Variants in FBXL2 observed in about 807,000 individuals in gnomAD.
FBXL2 encodes the protein F-box and leucine rich repeat protein 2, also known as F-box/LRR-repeat protein 2.
In FBXL2, 38 loss-of-function variants were observed where a neutral mutation model predicts 69.2. The ratio of observed to expected loss-of-function variants is 0.55; its 90% CI spans 0.42 to 0.72. The LOEUF (loss-of-function observed/expected upper bound fraction) is 0.72, where lower values mean the gene tolerates loss of function less well. Ranked by LOEUF, FBXL2 falls within the 30% of genes least tolerant of loss-of-function variation. The probability of loss-of-function intolerance (pLI) is 0.00; values close to 1 mark genes in which losing one functional copy is unlikely to be tolerated. For synonymous variants in FBXL2, 192 were observed against 201.3 expected, an observed-to-expected ratio of 0.95 and a Z score of 0.39; for missense variants, 354 against 520.3, an observed-to-expected ratio of 0.68 and a Z score of 3.11.
chr3:33,302,539 A>G (rs1247127686), intron 2 of FBXL2, among the ~76,000 whole-genome samples: 1 of 152,224 alleles, frequency 6.6e-6, no homozygotes, highest in African/African-American at 2.4e-5. Context: ...AAGTAAAAGC[A>G]CATGTAAAAC....
At chr3:33,350,445 T>TC (rs2040751756) in intron 2 of FBXL2, among the ~76,000 whole-genome samples, 2 of 151,990 alleles carry the variant, frequency 1.3e-5, no homozygotes, top group Non-Finnish European at 2.9e-5. Flanking sequence ...TTTTTTTTTT[T>TC]TTTTAAAGAC....
chr3:33,277,871 A>C (rs921852982), intron 1 of FBXL2, among the ~76,000 whole-genome samples: 2 of 152,176 alleles, frequency 1.3e-5, no homozygotes, highest in Non-Finnish European at 2.9e-5. Context: ...AAAATCTTGT[A>C]TATGGATATC....
At chr3:33,404,590 T>C (rs915105700), downstream of FBXL2, among the ~76,000 whole-genome samples, 2 of 151,804 alleles carry the variant, frequency 1.3e-5, no homozygotes, top group African/African-American at 4.8e-5. Flanking sequence ...GAGGCTGCAG[T>C]GAGCCATGAC....
chr3:33,395,750 GAAAA>G (rs61654235), intron 12 of FBXL2, among the ~76,000 whole-genome samples: 28 of 69,794 alleles, frequency 4.0e-4, no homozygotes, highest in African/African-American at 5.6e-4. Context: ...CAGGAAAATT[GAAAA>G]AAAAAAAAAA....
At position 33,342,711 on chromosome 3, in the gene FBXL2, C is replaced by CTTTTTTTTTTTTTT. The variant is rs71070130; in HGVS notation, c.66-16237_66-16224dup. On this transcript the variant is annotated intron_variant, in intron 2 of 14. Coordinates refer to ENST00000484457, the MANE Select transcript of FBXL2 (RefSeq NM_012157.5). ...GATTCTTGCAAAACAAATATAACTTCTTTTTTTTTTTTTTTTTTTTTTTTT... is the reference window on the plus strand; with the variant it reads ...GATTCTTGCAAAACAAATATAACTTCTTTTTTTTTTTTTTTTTTTTTTTTTTTTTTTTTTTTTTT... Among the ~76,000 whole-genome samples the CTTTTTTTTTTTTTT allele has an allele frequency of 1.1e-3, 42 of 37,926 alleles. 14 individuals carry two copies. Among genetic ancestry groups the CTTTTTTTTTTTTTT allele is most frequent in the East Asian group, 3.1e-3 (4 of 1,282 alleles). The allele number at this position is 37,926 out of a possible 152,430, so 24.9% of individuals were successfully genotyped here.
chr3:33,301,364 T>C (rs2036279734), intron 2 of FBXL2, among the ~76,000 whole-genome samples: 1 of 152,208 alleles, frequency 6.6e-6, no homozygotes, highest in African/African-American at 2.4e-5. Flanking sequence ...TTTTGACTGC[T>C]TCTGTTACTG....
chr3:33,406,603 C>G (rs1033941987), downstream of FBXL2, among the ~76,000 whole-genome samples: 1 of 152,182 alleles, frequency 6.6e-6, no homozygotes, highest in Non-Finnish European at 1.5e-5. Context: ...GTAGAAACAC[C>G]AAGTTTACCA....
intron 2 of FBXL2, among the ~76,000 whole-genome samples, chr3:33,316,529 A>C (rs2037711289): frequency 6.6e-6 from 1 of 152,064 alleles, no homozygotes; most frequent in African/African-American, 2.4e-5. Flanking sequence ...GTGCTATTTG[A>C]TTAGTCAAAA....
intron 2 of FBXL2, among the ~76,000 whole-genome samples, chr3:33,322,666 A>G (rs944608204): frequency 6.6e-6 from 1 of 152,184 alleles, no homozygotes; most frequent in Admixed American, 6.5e-5. Context: ...AATTAAAAAC[A>G]GAAGTCATGA....
chr3:33,283,641 A>ACGAGCTT (rs2034284255), intron 1 of FBXL2, among the ~76,000 whole-genome samples: 1 of 152,088 alleles, frequency 6.6e-6, no homozygotes, highest in Non-Finnish European at 1.5e-5. Context: ...TCCTCTTTGT[A>ACGAGCTT]CCTCTGGAAG....
rs2042445799 is a variant in FBXL2 at position 33,373,680 on chromosome 3, C to G, written c.558C>G (p.Ala186=). The part of the protein sequence containing the change: ...ALVRGCRGLK[A]LLLRGCTQLE... ...TGCGAGGTTGTCGAGGCCTGAAAGC[C>G]CTGCTCCTGAGGGGCTGCACACAGG... is the stretch of plus-strand genomic sequence containing the variant. The change falls in exon 8 of 15, where the codon GCC becomes GCG. Residue 186 remains alanine, a synonymous_variant. Transcript: ENST00000484457. The G allele has an allele frequency of 4.3e-6, 7 of 1,614,164 alleles. No individual in the cohort carries two copies. The highest frequency in any genetic ancestry group is 5.1e-6 in the Non-Finnish European group (6 of 1,180,030).
intron 5 of FBXL2, among the ~76,000 whole-genome samples, chr3:33,368,613 T>A (rs1470712985): frequency 1.3e-5 from 2 of 152,120 alleles, no homozygotes; most frequent in South Asian, 2.1e-4. Context: ...TCCTTTTTTT[T>A]AGATGGAGTC....
chr3:33,364,852 AC>A, intron 5 of FBXL2, 133 bp downstream of exon 5: 1 of 808,922 alleles, frequency 1.2e-6, no homozygotes, highest in Non-Finnish European at 2.0e-6. Context: ...TAATGAGAGG[AC>A]CAGGACTTTG....
chr3:33,319,163 T>A (rs1226424258), intron 2 of FBXL2, among the ~76,000 whole-genome samples: 5 of 152,200 alleles, frequency 3.3e-5, no homozygotes, highest in Admixed American at 2.6e-4. Context: ...TTTTACAAAC[T>A]AGGTACTGCA....
At chr3:33,352,762 A>G (rs2040912429) in intron 2 of FBXL2, among the ~76,000 whole-genome samples, 1 of 152,030 alleles carries the variant, frequency 6.6e-6, no homozygotes, top group Admixed American at 6.6e-5. Context: ...TGGGTGTGGT[A>G]ATGTGTGTCT....
chr3:33,277,237 A>G (rs1251059824), upstream of FBXL2: 1 of 387,012 alleles, frequency 2.6e-6, no homozygotes. Flanking sequence ...GCGGCTGGGT[A>G]ATCTGTCAGG....
At chr3:33,421,159 G>C in the FBXL2 span, among the ~76,000 whole-genome samples, 1 of 152,218 alleles carries the variant, frequency 6.6e-6, no homozygotes, top group African/African-American at 2.4e-5. Flanking sequence ...CAAAGGGAAA[G>C]CCAGCTATGT....
At chr3:33,374,059 T>C in intron 9 of FBXL2, 138 bp downstream of exon 9, 1 of 700,254 alleles carries the variant, frequency 1.4e-6, no homozygotes, top group Non-Finnish European at 2.5e-6. Context: ...TGTGTCCTTA[T>C]ATAACCTACC....
rs187310926 is a variant in FBXL2 at position 33,361,191 on chromosome 3, C to T, written c.195+1834C>T. 5.2e-3 allele frequency among the ~76,000 whole-genome samples: 788 copies of T among 150,848 alleles called. 5 individuals are homozygous for T. The highest frequency in any genetic ancestry group is 0.018 in the African/African-American group (734 of 41,042). On this transcript the variant is annotated intron_variant, in intron 4 of 14. Coordinates refer to ENST00000484457, the MANE Select transcript of FBXL2 (RefSeq NM_012157.5). The stretch of plus-strand genomic sequence containing the variant: ...CGATCTCCTGACATCGTGATCCGCC[C>T]GCCTCGGCCTCCCATGAACTTTTAA...
Sources: gnomAD v4.1 joint callset for allele counts (sites outside exome capture counted in the v4.1 genomes callset) on GRCh38, gnomAD v4.1.1 for gene constraint, MANE v1.5 for transcripts, NCBI Gene and HGNC (gene_info 2026-07-23, HGNC 2026-07-21) for gene names.